Variants in SGCA observed in about 807,000 individuals in gnomAD.
The protein encoded by SGCA is alpha-sarcoglycan.
In SGCA, 34 loss-of-function variants were observed where a neutral mutation model predicts 38.1. The observed-to-expected ratio is 0.89, with a 90% CI of 0.68 to 1.19. SGCA has a LOEUF of 1.19. Among genes scored for constraint, SGCA ranks in the 50% most tolerant of loss-of-function variants. The pLI is 0.00. For missense variants in SGCA, 476 were observed against 524.9 expected (o/e 0.91, Z 0.91); for synonymous variants, 209 against 214.6 (o/e 0.97, Z 0.23).
chr17:50,169,883 C>T (rs1213911207), intron 6 of SGCA: 1 of 578,958 alleles, frequency 1.7e-6, no homozygotes. Flanking sequence ...CACCACCACT[C>T]CAGGAGACAG....
At chr17:50,168,298 G>A (rs1905095025) in intron 4 of SGCA, 76 bp from the exon 5 acceptor site, 2 of 1,291,406 alleles carry the variant, frequency 1.5e-6, no homozygotes, top group Non-Finnish European at 2.2e-6. Context: ...AGGGATGTGG[G>A]GAGGAGCTTC....
intron 8 of SGCA, chr17:50,171,993 T>C (rs965135275): frequency 1.3e-5 from 6 of 456,566 alleles, no homozygotes; most frequent in African/African-American, 1.0e-4. Context: ...TCAACAGCAC[T>C]GATGGAGACA....
In SGCA at chr17:50,175,278, C is replaced by T. The variant is rs1375710422; in HGVS notation, c.1005C>T (p.Cys335=). 3 of 1,606,784 alleles carry T rather than the reference C, an allele frequency of 1.9e-6. No homozygotes were observed. Among genetic ancestry groups the T allele is most frequent in the East Asian group, 4.5e-5 (2 of 44,692 alleles). ...CCAGCATCCAGATGGTCCACCACTG[C>T]ACCATCCACGGGAACACAGAGGAGC... ...ATSDIQMVHH[C]TIHGNTEELR... is the part of the protein sequence containing the mutation. The change falls in exon 9 of 10, where the codon TGC becomes TGT. Residue 335 remains cysteine, a synonymous_variant. Transcript: ENST00000262018.
chr17:50,166,744 C>G (rs1287450021), intron 1 of SGCA, among the ~76,000 whole-genome samples: 8 of 128,042 alleles, frequency 6.2e-5, no homozygotes, highest in South Asian at 2.8e-4. Context: ...CACCCTCACA[C>G]ACCCTCACAC....
chr17:50,171,579 G>A (rs550842553), intron 8 of SGCA: 30 of 456,808 alleles, frequency 6.6e-5, no homozygotes, highest in African/African-American at 5.2e-4. Context: ...CCTGTTTGGA[G>A]CCCAGTAGTG....
intron 8 of SGCA, chr17:50,171,585 T>C (rs1269182965): frequency 6.6e-6 from 3 of 456,700 alleles, no homozygotes; most frequent in Non-Finnish European, 1.3e-5. Context: ...TGGAGCCCAG[T>C]AGTGACCTGT....
chr17:50,167,549 G>A lies in SGCA; in HGVS notation c.158-33G>A, dbSNP rs745779350. On this transcript the variant is annotated intron_variant, in intron 2 of 9. Coordinates refer to ENST00000262018, the MANE Select transcript of SGCA (RefSeq NM_000023.4). The surrounding 1 kb of genome is among the most constrained non-coding windows in gnomAD (Gnocchi z 4.5). The stretch of plus-strand genomic sequence containing the variant: ...GGGTGTACCCCGCAGGGCTCCTGCT[G>A]TGACTCGAATCCCCTCTCCTCGCTT... 1 of 1,613,862 alleles carries A rather than the reference G, an allele frequency of 6.2e-7. No homozygotes were observed. The highest frequency in any genetic ancestry group is 8.5e-7 in the Non-Finnish European group (1 of 1,180,008).
chr17:50,168,160 G>A, intron 4 of SGCA, 141 bp downstream of exon 4: 1 of 879,232 alleles, frequency 1.1e-6, no homozygotes, highest in Non-Finnish European at 1.9e-6. Flanking sequence ...AAGGCTCTCA[G>A]GGAATGGGTG....
rs995113451 is a variant in SGCA, at chr17:50,169,157, A to C, written c.650A>C (p.Asp217Ala). The C allele has an allele frequency of 1.9e-6, 3 of 1,613,740 alleles. No individual in the cohort carries two copies. Among genetic ancestry groups the C allele is most frequent in the African/African-American group, 2.7e-5 (2 of 74,846 alleles). The stretch of plus-strand genomic sequence containing the variant: ...TGCCTGAAGATGGTGGCATCCCCCG[A>C]TAGCCACGCCCGCTGTGCCCAGGGC... ...STCLKMVASPDSHARCAQGQP... is the reference protein window; with the variant it reads ...STCLKMVASPASHARCAQGQP... The change falls in exon 6 of 10, where the codon GAT becomes GCT. Residue 217 changes from aspartate to alanine, a missense_variant. By Grantham distance (126) the Asp-to-Ala change is moderately radical (BLOSUM62 -2). Coordinates refer to ENST00000262018, the MANE Select transcript of SGCA (RefSeq NM_000023.4).
intron 8 of SGCA, chr17:50,171,508 C>T (rs752967498): frequency 8.8e-6 from 4 of 456,634 alleles, no homozygotes; most frequent in Non-Finnish European, 1.8e-5. Context: ...GCCTGGCCTG[C>T]CTCATTAATT....
rs1029599836 is a variant in SGCA, at chr17:50,168,472, G to T, written c.484G>T (p.Gly162Trp). 2.5e-6 allele frequency: 4 copies of T among 1,581,898 alleles called. No homozygotes were observed. The highest frequency in any genetic ancestry group is 3.4e-6 in the Non-Finnish European group (4 of 1,163,712). ...TGCCAGCCGCTTCCTCTCAGCCTTG[G>T]GGGGACTCTGGGAGCCCGGAGAGCT... ...TPASRFLSAL[G>W]GLWEPGELQL... The change falls in exon 5 of 10, where the codon GGG becomes TGG. Residue 162 changes from glycine (G) to tryptophan (W), a missense_variant. Transcript: ENST00000262018.
In SGCA at chr17:50,175,861, G is replaced by A. The variant is rs1053618079; in HGVS notation, c.*162G>A. On this transcript the variant is annotated 3_prime_UTR_variant, in exon 10 of 10. Coordinates refer to ENST00000262018, the MANE Select transcript of SGCA (RefSeq NM_000023.4). ...GGGTGGGGTGGGGTGAGAGTGTGTG[G>A]AGTAAGGACATTCAGAATAAATATC... is the stretch of plus-strand genomic sequence containing the variant. 14 of 467,880 alleles carry A rather than the reference G, an allele frequency of 3.0e-5. No individual in the cohort carries two copies. The highest frequency in any genetic ancestry group is 2.3e-4 in the Admixed American group (10 of 42,838). The allele number at this position is 467,880 out of a possible 1,614,324, so 29.0% of individuals were successfully genotyped here.
intron 6 of SGCA, 72 bp from the exon 7 acceptor site, chr17:50,170,071 C>T (rs1383452944): frequency 7.6e-7 from 1 of 1,323,662 alleles, no homozygotes; most frequent in East Asian, 2.4e-5. Context: ...TAGTCCTGGC[C>T]CCTGCCATGT....
chr17:50,172,937 C>T (rs936779097), intron 8 of SGCA, among the ~76,000 whole-genome samples: 5 of 152,204 alleles, frequency 3.3e-5, no homozygotes, highest in Non-Finnish European at 7.3e-5. Context: ...TTTTCATGTA[C>T]ATTTCACTAG....
intron 6 of SGCA, 78 bp downstream of exon 6, chr17:50,169,332 C>T (rs1280841622): frequency 7.9e-7 from 1 of 1,269,158 alleles, no homozygotes; most frequent in Non-Finnish European, 1.1e-6. Context: ...CATGCTGCTT[C>T]CTATCTCCGT....
At position 50,168,486 on chromosome 17, in the gene SGCA, G is replaced by T; in HGVS notation, c.498G>T (p.Glu166Asp). The T allele has an allele frequency of 1.9e-6, 3 of 1,579,838 alleles. No homozygotes were observed. In the South Asian group the frequency reaches 3.5e-5, roughly 18 times the overall value. ...RFLSALGGLW[E>D]PGELQLLNVT... ...TCTCAGCCTTGGGGGGACTCTGGGA[G>T]CCCGGAGAGCTTCAGCTGCTCAACG... Residue 166 changes from glutamate to aspartate, a missense_variant, in exon 5 of 10, where the codon GAG becomes GAT. Glu to Asp is a conservative substitution (Grantham distance 45). Coordinates refer to ENST00000262018, the MANE Select transcript of SGCA (RefSeq NM_000023.4).
rs1905861878 is a variant in SGCA at position 50,175,439 on chromosome 17, A to T, written c.*2A>T. 2 of 1,612,790 alleles carry T rather than the reference A, an allele frequency of 1.2e-6. No individual in the cohort carries two copies. The highest frequency in any genetic ancestry group is 2.2e-5 in the South Asian group (2 of 91,028). ...CCCCTCATTCTGGACCAGCACTGACAGCCTAGCCAGGTAGGTCTGGTGGGT... is the reference window on the plus strand; with the variant it reads ...CCCCTCATTCTGGACCAGCACTGACTGCCTAGCCAGGTAGGTCTGGTGGGT... On this transcript the variant is annotated 3_prime_UTR_variant, in exon 9 of 10. Coordinates refer to ENST00000262018, the MANE Select transcript of SGCA (RefSeq NM_000023.4).
chr17:50,173,866 C>T (rs766117522), intron 8 of SGCA, among the ~76,000 whole-genome samples: 2 of 152,222 alleles, frequency 1.3e-5, no homozygotes, highest in Non-Finnish European at 2.9e-5. Flanking sequence ...GAAGCTAGGT[C>T]TTTTCTGCAG....
intron 1 of SGCA, among the ~76,000 whole-genome samples, chr17:50,166,743 ACACCCT>A (rs1904856859): frequency 9.6e-6 from 1 of 104,560 alleles, no homozygotes; most frequent in Non-Finnish European, 1.9e-5. Context: ...ACACCCTCAC[ACACCCT>A]CACACACCCT....
Sources: gnomAD v4.1 joint callset for allele counts (sites outside exome capture counted in the v4.1 genomes callset) on GRCh38, gnomAD v4.1.1 for gene constraint, Gnocchi (gnomAD v3.1) non-coding constraint, MANE v1.5 for transcripts, NCBI Gene and HGNC (gene_info 2026-07-23, HGNC 2026-07-21) for gene names.